Variants in WDPCP observed in about 807,000 individuals in gnomAD.
The protein encoded by WDPCP is WD repeat containing planar cell polarity effector.
Under a neutral mutation model 93.1 loss-of-function variants are expected in WDPCP, and 71 were observed. The ratio of observed to expected loss-of-function variants is 0.76; its 90% confidence interval spans 0.63 to 0.93. WDPCP has a LOEUF of 0.93. Ranked by LOEUF, WDPCP falls within the 40% of genes least tolerant of loss-of-function variation. The pLI, the probability that WDPCP is intolerant of heterozygous loss-of-function variation, is 0.00. For missense variants in WDPCP, 844 were observed against 887.4 expected (o/e 0.95, Z 0.62); for synonymous variants, 315 against 315.0 (o/e 1.00, Z 0.00).
At chr2:63,363,021 C>T (rs1690602964) in intron 12 of WDPCP, among the ~76,000 whole-genome samples, 1 of 151,796 alleles carries the variant, frequency 6.6e-6, no homozygotes, top group Admixed American at 6.6e-5. Flanking sequence ...ACTTAATTAC[C>T]ACTGTTCACA....
chr2:63,370,071 A>G (rs1166614570), intron 12 of WDPCP, among the ~76,000 whole-genome samples: 1 of 152,200 alleles, frequency 6.6e-6, no homozygotes, highest in African/African-American at 2.4e-5. Context: ...TATAATGACC[A>G]TCGAGTTATT....
At chr2:63,744,242 CTTT>C (rs1198166256) in intron 2 of WDPCP, among the ~76,000 whole-genome samples, 1 of 152,092 alleles carries the variant, frequency 6.6e-6, no homozygotes, top group Non-Finnish European at 1.5e-5. Flanking sequence ...GTGCCTTCTT[CTTT>C]GTTTCCAATA....
In WDPCP at chr2:63,588,227, C is replaced by A. The variant is rs1003414023; in HGVS notation, c.45G>T (p.Gly15=). The A allele has an allele frequency of 1.3e-6, 2 of 1,576,112 alleles. No homozygotes were observed. Among genetic ancestry groups the A allele is most frequent in the South Asian group, 1.2e-5 (1 of 86,500 alleles). ...FCWDAYSKAA[G]SRASSPLPRQ... ...TCGGGAGTGGGGAAGAAGCGCGACTCCCGGCCGCTTTGGAGTAGGCGTCCC... is the reference window on the plus strand; with the variant it reads ...TCGGGAGTGGGGAAGAAGCGCGACTACCGGCCGCTTTGGAGTAGGCGTCCC... Residue 15 remains glycine, a synonymous_variant, in exon 1 of 18, where the codon GGG becomes GGT. Transcript: ENST00000272321.
chr2:63,232,098 T>C (rs1421591904), intron 14 of WDPCP, among the ~76,000 whole-genome samples: 2 of 152,210 alleles, frequency 1.3e-5, no homozygotes, highest in African/African-American at 4.8e-5. Flanking sequence ...CCCTATTTAA[T>C]AAATGGTACT....
At chr2:63,781,925 A>ATG (rs1226635759) in intron 2 of WDPCP, among the ~76,000 whole-genome samples, 2 of 152,124 alleles carry the variant, frequency 1.3e-5, no homozygotes, top group South Asian at 2.1e-4. Context: ...CAGGCAACCT[A>ATG]TGTGTGTGTG....
intron 14 of WDPCP, among the ~76,000 whole-genome samples, chr2:63,210,391 C>CCAA (rs1193014656): frequency 3.3e-4 from 50 of 152,028 alleles, no homozygotes; most frequent in African/African-American, 1.2e-3. Context: ...TTAATTTACA[C>CCAA]AAATTAAAAT....
chr2:63,472,023 GA>G (rs1183320333), intron 6 of WDPCP, among the ~76,000 whole-genome samples: 1 of 152,002 alleles, frequency 6.6e-6, no homozygotes, highest in Admixed American at 6.6e-5. Context: ...TGACAATTTA[GA>G]ATTTTAGATA....
intron 15 of WDPCP, among the ~76,000 whole-genome samples, chr2:63,160,594 C>G (rs1300571253): frequency 6.6e-6 from 1 of 152,150 alleles, no homozygotes; most frequent in Admixed American, 6.5e-5. Flanking sequence ...ATCCTAAAAA[C>G]TGATAAATCT....
At position 63,661,908 on chromosome 2, in the gene WDPCP, C is replaced by G. The variant is rs373115046; in HGVS notation, n.309-11070G>C. ...TTCCAGGTGGCAAAAATCACTGGGA[C>G]AAAGATGTGAAGGCGAAGGTATATA... On this transcript the variant is annotated intron_variant and non_coding_transcript_variant, in intron 2 of 4. Coordinates refer to the WDPCP transcript ENST00000467687. Among the ~76,000 whole-genome samples the G allele has an allele frequency of 5.3e-5, 8 of 152,058 alleles. No individual in the cohort carries two copies. The East Asian group carries it at 9.7e-4, about 18-fold the overall frequency.
intron 1 of WDPCP, among the ~76,000 whole-genome samples, chr2:63,580,739 G>A (rs1379034634): frequency 6.6e-6 from 1 of 152,182 alleles, no homozygotes; most frequent in Non-Finnish European, 1.5e-5. Flanking sequence ...AGACATTACT[G>A]AGACAACTGG....
At chr2:63,529,749 T>C (rs761491837) in intron 1 of WDPCP, among the ~76,000 whole-genome samples, 16 of 152,172 alleles carry the variant, frequency 1.1e-4, no homozygotes, top group Admixed American at 5.9e-4. Flanking sequence ...TAGGGATTGA[T>C]TGGAATAGTT....
chr2:63,697,508 G>A (rs767128426), intron 2 of WDPCP, among the ~76,000 whole-genome samples: 8 of 152,110 alleles, frequency 5.3e-5, no homozygotes, highest in South Asian at 2.1e-4. Flanking sequence ...CTAAAAAATC[G>A]TATGATCATA....
At chr2:63,826,225 A>AT (rs1295311254) in intron 1 of WDPCP, among the ~76,000 whole-genome samples, 1 of 151,790 alleles carries the variant, frequency 6.6e-6, no homozygotes, top group Non-Finnish European at 1.5e-5. Context: ...ACTGTATCCT[A>AT]TTTTTTCTTT....
intron 2 of WDPCP, among the ~76,000 whole-genome samples, chr2:63,803,466 A>C (rs1670722257): frequency 6.6e-6 from 1 of 152,186 alleles, no homozygotes; most frequent in South Asian, 2.1e-4. Context: ...CATATTCCAA[A>C]TGTAGAAAAT....
chr2:63,459,785 C>T, intron 6 of WDPCP, among the ~76,000 whole-genome samples: 1 of 151,428 alleles, frequency 6.6e-6, no homozygotes, highest in East Asian at 1.9e-4. Flanking sequence ...GAAGTGGTGG[C>T]ATGTGCCTGT....
chr2:63,489,881 A>G (rs992317245), intron 2 of WDPCP, among the ~76,000 whole-genome samples: 1 of 152,066 alleles, frequency 6.6e-6, no homozygotes. Context: ...CACAAAGAAG[A>G]AAGTAACTTT....
chr2:63,763,501 CAAAAAAAA>C (rs746333217), intron 2 of WDPCP, among the ~76,000 whole-genome samples: 1 of 65,338 alleles, frequency 1.5e-5, no homozygotes, highest in Non-Finnish European at 3.1e-5. Context: ...GACTTTGTCT[CAAAAAAAA>C]AAAAAAAAAA....
intron 2 of WDPCP, among the ~76,000 whole-genome samples, chr2:63,491,736 C>G (rs1700890026): frequency 6.6e-6 from 1 of 152,212 alleles, no homozygotes. Context: ...TGCAAACTTT[C>G]ATGTCCCTTT....
At chr2:63,493,887 C>T (rs914558525) in intron 1 of WDPCP, among the ~76,000 whole-genome samples, 76 of 151,932 alleles carry the variant, frequency 5.0e-4, no homozygotes, top group Non-Finnish European at 1.2e-4. Flanking sequence ...AGTAAACTTC[C>T]GAATGACAAA....
Sources: gnomAD v4.1 joint callset for allele counts (sites outside exome capture counted in the v4.1 genomes callset) on GRCh38, gnomAD v4.1.1 for gene constraint, MANE v1.5 for transcripts, NCBI Gene and HGNC (gene_info 2026-07-23, HGNC 2026-07-21) for gene names.